The following GARIN5A variants were observed in gnomAD, a reference collection of about 807,000 sequenced individuals.
GARIN5A encodes the protein golgi associated RAB2 interactor 5A.
the GARIN5A span, among the ~76,000 whole-genome samples, chr19:50,470,569 G>C: frequency 4.0e-5 from 6 of 151,074 alleles, no homozygotes; most frequent in African/African-American, 1.5e-4. Flanking sequence ...TGGTGGCTGT[G>C]CTCATGGCAA....
At chr19:50,475,313 G>A in the GARIN5A span, 1 of 1,577,196 alleles carries the variant, frequency 6.3e-7, no homozygotes, top group East Asian at 2.3e-5. Flanking sequence ...CGGCTGAGGT[G>A]GGGGCAGTTA....
chr19:50,472,265 A>ATGTATATATACATGTATGTGTG, the GARIN5A span, among the ~76,000 whole-genome samples: 222 of 114,670 alleles, frequency 1.9e-3, 1 homozygote, highest in East Asian at 8.7e-3. Flanking sequence ...GTATGTGTGT[A>ATGTATATATACATGTATGTGTG]TATATGTATA....
chr19:50,476,390 C>T, the GARIN5A span: 1 of 1,553,604 alleles, frequency 6.4e-7, no homozygotes, highest in Non-Finnish European at 8.7e-7. Flanking sequence ...CGGCCCCATC[C>T]TGCTGACGTC....
At chr19:50,475,785 C>T in the GARIN5A span, 2 of 1,382,334 alleles carry the variant, frequency 1.4e-6, no homozygotes, top group Non-Finnish European at 1.0e-6. Flanking sequence ...AGGAGGAGGT[C>T]GAGGGGCAGG....
At chr19:50,467,595 A>ACCCTCC in the GARIN5A span, 27 of 1,544,756 alleles carry the variant, frequency 1.7e-5, no homozygotes, top group Non-Finnish European at 2.3e-5. Flanking sequence ...CATCATCATC[A>ACCCTCC]CCCTCCCCAT....
At chr19:50,471,505 G>C in the GARIN5A span, among the ~76,000 whole-genome samples, 1 of 149,950 alleles carries the variant, frequency 6.7e-6, no homozygotes, top group Admixed American at 6.7e-5. Flanking sequence ...CTGGCAATCA[G>C]GTGATCTGCC....
the GARIN5A span, among the ~76,000 whole-genome samples, chr19:50,471,960 ATGTATATATACATGTATGTG>A: frequency 1.4e-5 from 2 of 147,700 alleles, no homozygotes; most frequent in Non-Finnish European, 3.0e-5. Flanking sequence ...ACATGTATGT[ATGTATATATACATGTATGTG>A]TGTATATGTA....
At chr19:50,469,879 C>T in the GARIN5A span, among the ~76,000 whole-genome samples, 1 of 152,206 alleles carries the variant, frequency 6.6e-6, no homozygotes, top group African/African-American at 2.4e-5. Context: ...CAGTGTCCCT[C>T]AGTGGGTGAC....
At chr19:50,467,810 C>A in the GARIN5A span, 3 of 1,613,022 alleles carry the variant, frequency 1.9e-6, no homozygotes, top group African/African-American at 1.3e-5. Context: ...AAGAGCTGGA[C>A]GAACTTCAAG....
chr19:50,475,922 C>T, the GARIN5A span: 219 of 1,613,588 alleles, frequency 1.4e-4, no homozygotes, highest in African/African-American at 2.5e-3. Context: ...CTGGGACGGC[C>T]CGTGGGAGAG....
chr19:50,475,924 G>A, the GARIN5A span: 3 of 1,613,238 alleles, frequency 1.9e-6, no homozygotes, highest in Middle Eastern at 1.6e-4. Flanking sequence ...GGGACGGCCC[G>A]TGGGAGAGGC....
chr19:50,474,168 CTTTTTTA>C, the GARIN5A span, among the ~76,000 whole-genome samples: 47 of 128,328 alleles, frequency 3.7e-4, no homozygotes, highest in Non-Finnish European at 6.7e-4. Context: ...CTTTTCTTTT[CTTTTTTA>C]TTCTCTCTTT....
At chr19:50,475,462 CCAGAGGT>C in the GARIN5A span, 5 of 1,600,810 alleles carry the variant, frequency 3.1e-6, no homozygotes, top group Admixed American at 5.1e-5. Flanking sequence ...TCACCTGGGG[CCAGAGGT>C]CAGAGGTCGG....
the GARIN5A span, among the ~76,000 whole-genome samples, chr19:50,468,019 G>A: frequency 2.0e-5 from 3 of 152,118 alleles, no homozygotes; most frequent in South Asian, 6.2e-4. Context: ...TCTCCCACTA[G>A]TCCTCTCCCC....
chr19:50,471,959 T>C, the GARIN5A span, among the ~76,000 whole-genome samples: 16 of 151,650 alleles, frequency 1.1e-4, no homozygotes, highest in African/African-American at 3.2e-4. Context: ...TACATGTATG[T>C]ATGTATATAT....
chr19:50,476,116 C>A, the GARIN5A span: 3 of 1,612,586 alleles, frequency 1.9e-6, no homozygotes, highest in Non-Finnish European at 2.5e-6. Context: ...CTAGGCCTGG[C>A]TCCCCTCTCT....
chr19:50,472,024 GTA>G, the GARIN5A span, among the ~76,000 whole-genome samples: 2 of 143,958 alleles, frequency 1.4e-5, no homozygotes, highest in African/African-American at 5.7e-5. Context: ...GTGTGTATAT[GTA>G]TATGTACGTG....
the GARIN5A span, among the ~76,000 whole-genome samples, chr19:50,471,890 A>ATG: frequency 6.2e-3 from 931 of 149,636 alleles, 17 homozygotes; most frequent in East Asian, 0.038. Context: ...ATGTGTGTAT[A>ATG]TGTATGCATA....
chr19:50,475,206 C>T, the GARIN5A span: 2 of 1,402,696 alleles, frequency 1.4e-6, no homozygotes, highest in East Asian at 2.4e-5. Context: ...TCAGGGAGGG[C>T]CGGTAGCACT....
Sources: allele counts gnomAD v4.1 joint callset (sites outside exome capture counted in the v4.1 genomes callset), GRCh38; gene constraint gnomAD v4.1.1; transcripts MANE v1.5; gene names NCBI Gene and HGNC (gene_info 2026-07-23, HGNC 2026-07-21).